CECR2: variants seen among roughly 807,000 people sequenced by gnomAD.
CECR2 encodes the protein chromatin remodeling regulator CECR2.
In CECR2, 30 loss-of-function variants were observed where a neutral mutation model predicts 154.5. The observed-to-expected ratio is 0.19, with a 90% confidence interval of 0.15 to 0.26. The LOEUF is 0.26. CECR2 is among the 10% of genes least tolerant of loss of function. The pLI is 1.00. For synonymous variants in CECR2, 725 were observed against 683.7 expected (o/e 1.06, Z -0.94); for missense variants, 1,743 against 1,829.3 (o/e 0.95, Z 0.86).
At chr22:17,538,800 G>GT in intron 12 of CECR2, 69 bp downstream of exon 12, 1 of 1,399,084 alleles carries the variant, frequency 7.1e-7, no homozygotes, top group Non-Finnish European at 9.9e-7. Context: ...TTGTTTGTTT[G>GT]TTGTTAAATA....
At chr22:17,542,013 T>C in intron 15 of CECR2, 46 bp downstream of exon 15, 1 of 1,590,342 alleles carries the variant, frequency 6.3e-7, no homozygotes, top group Non-Finnish European at 8.6e-7. Context: ...GTCCCACAGG[T>C]ACGTTTCAGA....
intron 8 of CECR2, among the ~76,000 whole-genome samples, chr22:17,521,199 G>C: frequency 6.6e-6 from 1 of 152,162 alleles, no homozygotes; most frequent in East Asian, 1.9e-4. Context: ...CAGTGATGAT[G>C]AGCATTTTTT....
intron 8 of CECR2, among the ~76,000 whole-genome samples, chr22:17,520,938 T>C (rs139609500): frequency 0.022 from 3,334 of 152,210 alleles, 119 homozygotes; most frequent in African/African-American, 0.077. Flanking sequence ...TGATTTACAA[T>C]CCTTTGGGTA....
At chr22:17,426,961 A>G (rs1048568097) in intron 1 of CECR2, among the ~76,000 whole-genome samples, 2 of 151,984 alleles carry the variant, frequency 1.3e-5, no homozygotes, top group Non-Finnish European at 2.9e-5. Context: ...GGTTTGCTGC[A>G]CCCATCATCA....
chr22:17,458,856 T>C (rs1353216191), intron 1 of CECR2, among the ~76,000 whole-genome samples: 1 of 152,166 alleles, frequency 6.6e-6, no homozygotes, highest in Non-Finnish European at 1.5e-5. Context: ...CTAACCTAAG[T>C]CTAGGTACTT....
At chr22:17,472,019 G>A (rs5747193) in intron 1 of CECR2, among the ~76,000 whole-genome samples, 3,813 of 152,212 alleles carry the variant, frequency 0.025, 171 homozygotes, top group East Asian at 0.23. Flanking sequence ...TTGAGGGGAG[G>A]AGCTATTTTG....
chr22:17,501,965 G>A (rs545501618), intron 5 of CECR2, among the ~76,000 whole-genome samples: 223 of 152,184 alleles, frequency 1.5e-3, no homozygotes, highest in African/African-American at 5.3e-3. Context: ...TCTGGTTCAC[G>A]CTGGCCACGT....
intron 1 of CECR2, among the ~76,000 whole-genome samples, chr22:17,446,483 C>T (rs535771659): frequency 1.3e-5 from 2 of 152,204 alleles, no homozygotes; most frequent in Non-Finnish European, 2.9e-5. Context: ...TTTGGGAGGC[C>T]GAGGCGGGCG....
chr22:17,487,528 T>C (rs2055443440), intron 2 of CECR2, among the ~76,000 whole-genome samples: 1 of 152,104 alleles, frequency 6.6e-6, no homozygotes, highest in African/African-American at 2.4e-5. Flanking sequence ...TGAAACCCCG[T>C]CTGTACTTAA....
At chr22:17,523,956 G>A (rs1485207999) in intron 8 of CECR2, among the ~76,000 whole-genome samples, 162 bp from the exon 9 acceptor site, 2 of 152,044 alleles carry the variant, frequency 1.3e-5, no homozygotes, top group Admixed American at 6.6e-5. Context: ...TAACATTTAT[G>A]TATATCCATG....
intron 10 of CECR2, 91 bp downstream of exon 10, chr22:17,537,323 C>T: frequency 6.9e-7 from 1 of 1,452,036 alleles, no homozygotes; most frequent in Middle Eastern, 1.8e-4. Context: ...CTTAGAACAG[C>T]CCTGTTGGGT....
upstream of CECR2, among the ~76,000 whole-genome samples, chr22:17,367,053 T>TGAGAGACAGGGCGGATCTCC (rs1408616339): frequency 6.6e-6 from 1 of 152,190 alleles, no homozygotes; most frequent in African/African-American, 2.4e-5. Context: ...GGAGGAGCCC[T>TGAGAGACAGGGCGGATCTCC]GAGAGACAGG....
chr22:17,386,056 A>G (rs71328212), intron 1 of CECR2, among the ~76,000 whole-genome samples: 139,962 of 152,276 alleles, frequency 0.92, 64,381 homozygotes, highest in Admixed American at 0.94. Flanking sequence ...CAGGCCAGGC[A>G]GCCCCATGGT....
intron 1 of CECR2, among the ~76,000 whole-genome samples, chr22:17,468,125 T>TCCC (rs2055064664): frequency 1.3e-5 from 2 of 152,130 alleles, no homozygotes; most frequent in South Asian, 4.2e-4. Flanking sequence ...TAACAGCAGG[T>TCCC]GCCTGTGTTA....
chr22:17,491,557 G>A (rs2055529376), intron 2 of CECR2, among the ~76,000 whole-genome samples: 1 of 124,022 alleles, frequency 8.1e-6, no homozygotes, highest in Non-Finnish European at 1.7e-5. Flanking sequence ...TCCACTATTG[G>A]CTTCTTATTC....
At chr22:17,498,053 G>A (rs753618096) in intron 3 of CECR2, among the ~76,000 whole-genome samples, 7 of 152,200 alleles carry the variant, frequency 4.6e-5, no homozygotes, top group Non-Finnish European at 7.3e-5. Context: ...GGAAGCTGTG[G>A]CCATCTCTCT....
At chr22:17,414,174 G>C (rs534881130) in intron 1 of CECR2, among the ~76,000 whole-genome samples, 4 of 146,110 alleles carry the variant, frequency 2.7e-5, no homozygotes, top group Non-Finnish European at 4.5e-5. Context: ...GGATTTCACT[G>C]TGTTAGCCAG....
intron 1 of CECR2, among the ~76,000 whole-genome samples, chr22:17,439,589 T>C (rs913379622): frequency 3.3e-5 from 5 of 152,076 alleles, no homozygotes; most frequent in Admixed American, 1.3e-4. Context: ...TATTAAGTAA[T>C]ATCTGTATTG....
intron 1 of CECR2, among the ~76,000 whole-genome samples, chr22:17,446,913 C>G (rs910259077): frequency 6.9e-6 from 1 of 144,746 alleles, no homozygotes; most frequent in Non-Finnish European, 1.5e-5. Flanking sequence ...GCTGATTGGT[C>G]CATTTTACAG....
Sources: allele counts gnomAD v4.1 joint callset (sites outside exome capture counted in the v4.1 genomes callset), GRCh38; gene constraint gnomAD v4.1.1; transcripts MANE v1.5; gene names NCBI Gene and HGNC (gene_info 2026-07-23, HGNC 2026-07-21).